FRMPD3: variants seen among roughly 807,000 people sequenced by gnomAD.
FRMPD3 encodes the protein FERM and PDZ domain containing 3, also known as FERM and PDZ domain-containing protein 3.
In FRMPD3, 42 loss-of-function variants were observed where a neutral mutation model predicts 97.9. The ratio of observed to expected loss-of-function variants is 0.43; its 90% CI spans 0.34 to 0.55. The LOEUF (loss-of-function observed/expected upper bound fraction) is 0.55, where lower values mean the gene tolerates loss of function less well. Ranked by LOEUF, FRMPD3 falls within the 20% of genes least tolerant of loss-of-function variation. The probability of loss-of-function intolerance (pLI) is 0.03; values close to 1 mark genes in which losing one functional copy is unlikely to be tolerated. For synonymous variants in FRMPD3, 577 were observed against 581.1 expected (o/e 0.99, Z 0.10); for missense variants, 1,303 against 1,457.7 (o/e 0.89, Z 1.73).
intron 3 of FRMPD3, among the ~76,000 whole-genome samples, chrX:107,533,203 T>G (rs1286869335): frequency 8.9e-6 from 1 of 112,124 alleles, no homozygotes; most frequent in East Asian, 2.8e-4. Context: ...AAATTGCTAC[T>G]AAGGTTTGGA....
intron 12 of FRMPD3, among the ~76,000 whole-genome samples, chrX:107,565,660 A>G (rs1602826024): frequency 9.3e-6 from 1 of 107,403 alleles, no homozygotes; most frequent in South Asian, 4.2e-4. Context: ...GCACCACTAC[A>G]CTCCAGCCTG....
At chrX:107,596,699 A>G (rs1404050636) in intron 13 of FRMPD3, among the ~76,000 whole-genome samples, 1 of 111,970 alleles carries the variant, frequency 8.9e-6, no homozygotes, top group Admixed American at 9.5e-5. Flanking sequence ...TATCTCCCAT[A>G]TACTTTACAC....
At chrX:107,500,045 C>G (rs1921867205) in intron 1 of FRMPD3, among the ~76,000 whole-genome samples, 1 of 112,101 alleles carries the variant, frequency 8.9e-6, no homozygotes, top group Admixed American at 9.4e-5. Context: ...TATGTACTCA[C>G]TAGGGGAAGA....
At position 107,524,481 on chromosome X, in the gene FRMPD3, A is replaced by G. The variant is rs1031058590; in HGVS notation, c.-7-2101A>G. On this transcript the variant is annotated intron_variant, in intron 1 of 14. Transcript: ENST00000683843. The stretch of plus-strand genomic sequence containing the variant: ...GACAGACAGACTCCAAGCCAGTGTG[A>G]GGTGTAGCCAGAGAGATCTCATATG... 8.0e-5 allele frequency among the ~76,000 whole-genome samples: 9 copies of G among 112,416 alleles called. No homozygotes were observed. The East Asian group carries it at 2.3e-3, about 28-fold the overall frequency.
At chrX:107,585,646 A>G (rs1923608623) in intron 13 of FRMPD3, among the ~76,000 whole-genome samples, 1 of 111,897 alleles carries the variant, frequency 8.9e-6, no homozygotes, top group Non-Finnish European at 1.9e-5. Flanking sequence ...ATTTTTTAAC[A>G]TGAAGGGATG....
rs1172377680 is a variant in FRMPD3, at chrX:107,601,038, G to A, written c.2999G>A (p.Ser1000Asn). The A allele has an allele frequency of 8.3e-7, 1 of 1,206,344 alleles. No homozygotes were observed. The highest frequency in any genetic ancestry group is 1.1e-6 in the Non-Finnish European group (1 of 893,124). Reference sequence around the variant, plus strand: ...GGGAGGCCAGAGGTTAGCATGATGAGCAGCAGTGCCAGTAAGAATCTGAAG... The same window carrying A: ...GGGAGGCCAGAGGTTAGCATGATGAACAGCAGTGCCAGTAAGAATCTGAAG... ...SMGRPEVSMM[S>N]SSASKNLKFK... The change falls in exon 15 of 15, where the codon AGC becomes AAC. Residue 1000 changes from serine (S) to asparagine (N), a missense_variant. By Grantham distance (46) the Ser-to-Asn change is conservative (BLOSUM62 1). Transcript: ENST00000683843.
Position 107,600,866 on chromosome X carries a change from C to T in FRMPD3, c.2827C>T (p.Leu943Phe), listed in dbSNP as rs1326476774. The change falls in exon 15 of 15, where the codon CTT becomes TTT. Residue 943 changes from leucine to phenylalanine, a missense_variant. Physicochemically the swap from Leu to Phe is conservative, Grantham distance 22 (BLOSUM62 0). Around this residue, in one of 3 missense-constraint regions of FRMPD3, gnomAD observed 764 missense variants for 820.2 expected, o/e 0.93. Transcript: ENST00000683843. ...CAAGGAGGTCAGGTTGAGCCCCAAG[C>T]TTATCCTCGACCCAAAGAGCAGTGT... ...LPKEVRLSPK[L>F]ILDPKSSVTP... 3 of 1,207,563 alleles carry T rather than the reference C, an allele frequency of 2.5e-6. No individual in the cohort carries two copies. The highest frequency in any genetic ancestry group is 2.2e-5 in the Admixed American group (1 of 45,690).
At chrX:107,459,931 A>T (rs1005372557) in intron 1 of FRMPD3, among the ~76,000 whole-genome samples, 13 of 98,972 alleles carry the variant, frequency 1.3e-4, no homozygotes, top group Admixed American at 3.3e-4. Context: ...ACACACACAC[A>T]CTCTGCATAG....
At chrX:107,546,448 A>G (rs957485327) in intron 5 of FRMPD3, among the ~76,000 whole-genome samples, 11 of 112,125 alleles carry the variant, frequency 9.8e-5, no homozygotes, top group Admixed American at 4.7e-4. Context: ...GATTGAGACA[A>G]TACAAAATCT....
intron 1 of FRMPD3, chrX:107,522,569 A>G (rs1922544512): frequency 2.2e-6 from 1 of 459,108 alleles, no homozygotes; most frequent in Admixed American, 3.4e-5. Context: ...GTGCTTAGCC[A>G]CTGTGGGTCT....
rs895928073 is a variant in FRMPD3 at position 107,449,898 on chromosome X, T to TGCCGCCGCC, written c.-100_-92dup. 9.3e-6 allele frequency among the ~76,000 whole-genome samples: 1 copy of TGCCGCCGCC among 107,662 alleles called. No individual in the cohort carries two copies. The highest frequency in any genetic ancestry group is 3.3e-5 in the African/African-American group (1 of 29,932). The allele number at this position is 107,662 out of a possible 115,157, so 93.5% of individuals were successfully genotyped here. On this transcript the variant is annotated 5_prime_UTR_variant, in exon 1 of 15. Transcript: ENST00000683843. ...GGGGGCACGGGTGCCCTAGTCCCGC[T>TGCCGCCGCC]GCCGCCGCCGCCGCCGCCGCCGCTG...
In FRMPD3 at chrX:107,602,898, A is replaced by G. The variant is rs745635724; in HGVS notation, c.4859A>G (p.Tyr1620Cys). ...CCCGAGGCCCGTGCCCCCAAGCCCT[A>G]TGTGTCTCAGATCTCCGAGTATAAG... ...ASPEARAPKP[Y>C]VSQISEYKLE... Residue 1620 changes from tyrosine to cysteine, a missense_variant, in exon 15 of 15, where the codon TAT becomes TGT. Tyr to Cys is a radical substitution (Grantham distance 194). This residue lies in a region of FRMPD3 where 764 missense variants were observed against 820.2 expected (regional missense o/e 0.93). Transcript: ENST00000683843. 2.2e-5 allele frequency: 27 copies of G among 1,209,855 alleles called. No individual in the cohort carries two copies. The highest frequency in any genetic ancestry group is 8.9e-5 in the East Asian group (3 of 33,786).
intron 4 of FRMPD3, among the ~76,000 whole-genome samples, chrX:107,537,378 G>A (rs2343829): frequency 0.15 from 16,220 of 111,098 alleles, 2,709 homozygotes; most frequent in African/African-American, 0.49. Flanking sequence ...GCAGTGCACA[G>A]GACAAACATA....
intron 8 of FRMPD3, among the ~76,000 whole-genome samples, chrX:107,558,950 G>A (rs977289781): frequency 1.1e-3 from 118 of 110,232 alleles, no homozygotes; most frequent in African/African-American, 3.7e-3. Flanking sequence ...CTCCCAAAGT[G>A]CTGTGACTTT....
At chrX:107,496,232 G>T (rs1004516282) in intron 1 of FRMPD3, among the ~76,000 whole-genome samples, 23 of 111,896 alleles carry the variant, frequency 2.1e-4, no homozygotes, top group African/African-American at 7.2e-4. Context: ...CATCCCTCTT[G>T]CAGTACTGTG....
intron 1 of FRMPD3, among the ~76,000 whole-genome samples, chrX:107,518,558 A>C (rs1175087735): frequency 8.9e-6 from 1 of 112,382 alleles, no homozygotes; most frequent in Admixed American, 9.4e-5. Flanking sequence ...ATTATAAAAA[A>C]AAATGAAAAA....
Position 107,602,820 on chromosome X carries a change from C to T in FRMPD3, c.4781C>T (p.Ala1594Val). ...GGCCTCCCTGATGGCTTCCTGGCTG[C>T]CCGGCTGGACACCAACGAGCTGCTG... ...AYGLPDGFLA[A>V]RLDTNELLTV... The change falls in exon 15 of 15, where the codon GCC (alanine) becomes GTC (valine). Residue 1594 changes from alanine (A) to valine (V), a missense_variant. Transcript: ENST00000683843. 8.3e-7 allele frequency: 1 copy of T among 1,209,493 alleles called. No individual in the cohort carries two copies. The highest frequency in any genetic ancestry group is 1.1e-6 in the Non-Finnish European group (1 of 894,750).
At chrX:107,527,639 G>T (rs1307860105) in intron 2 of FRMPD3, among the ~76,000 whole-genome samples, 2 of 112,633 alleles carry the variant, frequency 1.8e-5, no homozygotes, top group African/African-American at 6.5e-5. Context: ...TGACAAAAAA[G>T]ACAGACGGAA....
chrX:107,539,734 C>G lies in FRMPD3; in HGVS notation c.298-6003C>G, dbSNP rs759675018. Among the ~76,000 whole-genome samples the G allele has an allele frequency of 2.7e-5, 3 of 111,522 alleles. No homozygotes were observed. In the East Asian group the frequency reaches 8.4e-4, roughly 31 times the overall value. ...ATTCATTACTAATTTTAGCAATCAA[C>G]TAATATATTTTATGCCATGTCTACT... On this transcript the variant is annotated intron_variant, in intron 4 of 14. Transcript: ENST00000683843.
Sources: gnomAD v4.1 joint callset for allele counts (sites outside exome capture counted in the v4.1 genomes callset) on GRCh38, gnomAD v4.1.1 for gene constraint, gnomAD v4.1.1 regional missense constraint, MANE v1.5 for transcripts, NCBI Gene and HGNC (gene_info 2026-07-23, HGNC 2026-07-21) for gene names.